The following ZFHX3 variants were observed in gnomAD, a reference collection of about 807,000 sequenced individuals.
ZFHX3 encodes zinc finger homeobox 3.
ZFHX3 carries 42 observed loss-of-function variants against 279.1 expected under a neutral mutation model. That is an observed-to-expected ratio of 0.15 (90% CI 0.12 to 0.19). ZFHX3 has a LOEUF of 0.19. Among genes scored for constraint, ZFHX3 ranks in the 10% least tolerant of loss-of-function variants. The pLI is 1.00. For missense variants in ZFHX3, 4,981 were observed against 4,754.0 expected (o/e 1.05, Z -1.40); for synonymous variants, 2,293 against 1,957.8 (o/e 1.17, Z -4.52).
chr16:73,329,546 G>A (rs1193515826), intron 3 of ZFHX3, among the ~76,000 whole-genome samples: 1 of 152,238 alleles, frequency 6.6e-6, no homozygotes, highest in South Asian at 2.1e-4. Flanking sequence ...ATCAGGAGAG[G>A]AGGCAGTGAT....
chr16:73,441,247 G>A (rs1256034141), intron 3 of ZFHX3, among the ~76,000 whole-genome samples: 1 of 152,094 alleles, frequency 6.6e-6, no homozygotes, highest in Non-Finnish European at 1.5e-5. Flanking sequence ...CTTAGAGAGA[G>A]GGAGAGAGAG....
chr16:73,321,316 G>A (rs1220621673), intron 3 of ZFHX3, among the ~76,000 whole-genome samples: 4 of 152,148 alleles, frequency 2.6e-5, no homozygotes, highest in Non-Finnish European at 4.4e-5. Flanking sequence ...GAGACCTGCT[G>A]TCACTAGCTA....
intron 3 of ZFHX3, among the ~76,000 whole-genome samples, chr16:73,381,127 T>C (rs2016811858): frequency 1.3e-5 from 2 of 152,164 alleles, no homozygotes; most frequent in South Asian, 2.1e-4. Flanking sequence ...TGCAGACCTA[T>C]ATGAATAAAC....
intron 2 of ZFHX3, chr16:73,504,884 TG>T (rs2019298555): frequency 6.6e-6 from 1 of 151,314 alleles, no homozygotes; most frequent in Non-Finnish European, 1.5e-5. Flanking sequence ...CTGGCTCTGG[TG>T]GGAAGTGGAA....
At chr16:73,013,501 T>C (rs1201747679) in intron 1 of ZFHX3, among the ~76,000 whole-genome samples, 1 of 152,182 alleles carries the variant, frequency 6.6e-6, no homozygotes, top group African/African-American at 2.4e-5. Context: ...TTGCCCAGGC[T>C]GGTCTCAAAC....
chr16:73,612,944 G>A (rs775917887), intron 2 of ZFHX3, among the ~76,000 whole-genome samples: 3 of 151,362 alleles, frequency 2.0e-5, no homozygotes, highest in African/African-American at 4.9e-5. Flanking sequence ...AGGAGATGAG[G>A]GCATATTTCA....
At chr16:73,782,200 A>G (rs777699067) in intron 1 of ZFHX3, among the ~76,000 whole-genome samples, 1 of 152,128 alleles carries the variant, frequency 6.6e-6, no homozygotes, top group Non-Finnish European at 1.5e-5. Flanking sequence ...ACAAATGTAA[A>G]TCTTGAGACC....
At chr16:73,219,730 G>A (rs2144918917) in intron 5 of ZFHX3, among the ~76,000 whole-genome samples, 1 of 152,332 alleles carries the variant, frequency 6.6e-6, no homozygotes, top group Non-Finnish European at 1.5e-5. Flanking sequence ...GTTGGTGAGA[G>A]TTGAAGGCTG....
chr16:73,112,886 G>A (rs1034769265), intron 7 of ZFHX3, among the ~76,000 whole-genome samples: 23 of 152,144 alleles, frequency 1.5e-4, no homozygotes, highest in South Asian at 4.1e-4. Flanking sequence ...CCAGGTGAGC[G>A]GCTGCACAGC....
At chr16:73,534,122 C>A (rs1033493898) in intron 2 of ZFHX3, among the ~76,000 whole-genome samples, 1 of 152,110 alleles carries the variant, frequency 6.6e-6, no homozygotes, top group Non-Finnish European at 1.5e-5. Flanking sequence ...GGTGATCTAA[C>A]ACCCACCTCC....
intron 5 of ZFHX3, among the ~76,000 whole-genome samples, chr16:73,156,995 A>T (rs999695260): frequency 7.2e-5 from 11 of 152,146 alleles, no homozygotes; most frequent in African/African-American, 2.7e-4. Context: ...TGCAGGCGTG[A>T]GCCACCGTGC....
chr16:73,689,283 CA>C (rs368336029), intron 1 of ZFHX3, among the ~76,000 whole-genome samples: 66 of 152,248 alleles, frequency 4.3e-4, no homozygotes, highest in African/African-American at 1.4e-3. Context: ...GCTCTGGGGA[CA>C]GGGGGGTTTT....
chr16:73,164,614 G>T (rs1967314410), intron 5 of ZFHX3, among the ~76,000 whole-genome samples: 2 of 151,828 alleles, frequency 1.3e-5, no homozygotes, highest in African/African-American at 4.8e-5. Context: ...GCAGGAGAAT[G>T]GCTTGAACCG....
At chr16:73,832,578 T>C (rs1370785360) in intron 1 of ZFHX3, among the ~76,000 whole-genome samples, 8 of 152,216 alleles carry the variant, frequency 5.3e-5, no homozygotes, top group Non-Finnish European at 8.8e-5. Flanking sequence ...TCTCACTCTG[T>C]TGCCCAGGCT....
chr16:73,510,985 C>A (rs1045893594), intron 2 of ZFHX3, among the ~76,000 whole-genome samples: 4 of 152,214 alleles, frequency 2.6e-5, no homozygotes, highest in African/African-American at 9.6e-5. Flanking sequence ...GCAGGTACAA[C>A]CAGACAGGGC....
At chr16:73,421,529 A>G (rs2017718607) in intron 3 of ZFHX3, 1 of 152,264 alleles carries the variant, frequency 6.6e-6, no homozygotes, top group Middle Eastern at 3.2e-3. Context: ...TTTCATTTAT[A>G]GTCATCGTCT....
chr16:73,219,752 C>G (rs1386344969), intron 5 of ZFHX3, among the ~76,000 whole-genome samples: 7 of 152,182 alleles, frequency 4.6e-5, no homozygotes, highest in Non-Finnish European at 1.0e-4. Flanking sequence ...CTCCCCCAGT[C>G]AGTAGGGTCC....
intron 1 of ZFHX3, among the ~76,000 whole-genome samples, chr16:73,720,240 T>G (rs2053461430): frequency 6.6e-6 from 1 of 152,238 alleles, no homozygotes; most frequent in Non-Finnish European, 1.5e-5. Flanking sequence ...AGGAACACCC[T>G]TCCTGAGTGA....
rs546925068 is a variant in ZFHX3 at position 73,678,592 on chromosome 16, GA to G, written c.-1547+1587del. The stretch of plus-strand genomic sequence containing the variant: ...AATTCAAGTACACTTATACAACATT[GA>G]AATTTATTTAAAATATATGTAACAG... On this transcript the variant is annotated intron_variant, in intron 2 of 17. Coordinates refer to the ZFHX3 transcript ENST00000641206. 2.7e-4 allele frequency among the ~76,000 whole-genome samples: 41 copies of G among 152,196 alleles called. No homozygotes were observed. In the East Asian group the frequency reaches 6.9e-3, roughly 26 times the overall value.
Sources: gnomAD v4.1 joint callset for allele counts (sites outside exome capture counted in the v4.1 genomes callset) on GRCh38, gnomAD v4.1.1 for gene constraint, MANE v1.5 for transcripts, NCBI Gene and HGNC (gene_info 2026-07-23, HGNC 2026-07-21) for gene names.